Variants in ITPR2 observed in about 807,000 individuals in gnomAD.
ITPR2 encodes inositol 1,4,5-trisphosphate receptor type 2, also known as inositol 1,4,5-trisphosphate-gated calcium channel ITPR2.
Under a neutral mutation model 317.1 loss-of-function variants are expected in ITPR2, and 207 were observed. The observed-to-expected ratio is 0.65, with a 90% CI of 0.58 to 0.73. The LOEUF is 0.73. Among genes scored for constraint, ITPR2 ranks in the 30% least tolerant of loss-of-function variants. The pLI is 0.00. For missense variants in ITPR2, 2,613 were observed against 3,284.0 expected, an observed-to-expected ratio of 0.80 and a Z score of 4.99; for synonymous variants, 1,156 against 1,149.1, an observed-to-expected ratio of 1.01 and a Z score of -0.12.
In ITPR2 at chr12:26,519,649, G is replaced by A. The variant is rs1485162918; in HGVS notation, c.5074-24389C>T. Among the ~76,000 whole-genome samples the A allele has an allele frequency of 3.9e-5, 6 of 152,288 alleles. No homozygotes were observed. In the South Asian group the frequency reaches 1.2e-3, roughly 32 times the overall value. On this transcript the variant is annotated intron_variant, in intron 37 of 56. Transcript: ENST00000381340. Reference sequence around the variant, plus strand: ...CATTAATATTTAACATGTGCTGGATGCACAAGCCAAAACAATTGGCAGAGA... The same window carrying A: ...CATTAATATTTAACATGTGCTGGATACACAAGCCAAAACAATTGGCAGAGA...
At chr12:26,776,016 G>A (rs1029065182) in intron 2 of ITPR2, among the ~76,000 whole-genome samples, 1 of 149,592 alleles carries the variant, frequency 6.7e-6, no homozygotes, top group Non-Finnish European at 1.5e-5. Context: ...GGTACCAGGA[G>A]TGGTTCTAGA....
chr12:26,814,490 C>A (rs1565785555), intron 1 of ITPR2, among the ~76,000 whole-genome samples: 1 of 152,158 alleles, frequency 6.6e-6, no homozygotes, highest in Non-Finnish European at 1.5e-5. Context: ...TTCTTTATCA[C>A]ATCCAGGAGT....
intron 37 of ITPR2, among the ~76,000 whole-genome samples, chr12:26,496,309 A>G (rs1457251273): frequency 2.0e-5 from 3 of 152,164 alleles, no homozygotes; most frequent in Non-Finnish European, 2.9e-5. Context: ...CCATTTCTTC[A>G]TGTCCCGCTG....
At chr12:26,800,716 A>C (rs1189214064) in intron 1 of ITPR2, 1 of 152,264 alleles carries the variant, frequency 6.6e-6, no homozygotes, top group African/African-American at 2.4e-5. Context: ...TCTTAGAAGA[A>C]AGGTTTTAAT....
In ITPR2 at chr12:26,335,457, A is replaced by G. The variant is rs1463150059; in HGVS notation, c.*3940T>C. 6.6e-6 allele frequency among the ~76,000 whole-genome samples: 1 copy of G among 152,122 alleles called. No homozygotes were observed. The highest frequency in any genetic ancestry group is 1.5e-5 in the Non-Finnish European group (1 of 68,018). On this transcript the variant is annotated 3_prime_UTR_variant, in exon 57 of 57. Coordinates refer to ENST00000381340, the MANE Select transcript of ITPR2 (RefSeq NM_002223.4). Reference sequence around the variant, plus strand: ...ATATAACAATCCTCTACTGCAGGAGAGAAAGTCTTCTTGGTGATATGAGAA... The same window carrying G: ...ATATAACAATCCTCTACTGCAGGAGGGAAAGTCTTCTTGGTGATATGAGAA...
At chr12:26,781,783 G>T (rs373039824) in intron 2 of ITPR2, among the ~76,000 whole-genome samples, 2 of 151,770 alleles carry the variant, frequency 1.3e-5, no homozygotes, top group Non-Finnish European at 2.9e-5. Flanking sequence ...CCTTAATCTG[G>T]GTGGGCACCA....
intron 9 of ITPR2, among the ~76,000 whole-genome samples, chr12:26,705,478 C>T (rs1266908742): frequency 6.6e-6 from 1 of 152,118 alleles, no homozygotes; most frequent in African/African-American, 2.4e-5. Flanking sequence ...CCTCATGATT[C>T]TACCTTCAAA....
chr12:26,588,073 G>A (rs1006664933), intron 32 of ITPR2, among the ~76,000 whole-genome samples: 1 of 152,212 alleles, frequency 6.6e-6, no homozygotes, highest in Admixed American at 6.5e-5. Flanking sequence ...AGATGCTACA[G>A]TCTTGAAAAG....
At chr12:26,832,610 A>C in intron 1 of ITPR2, 80 bp downstream of exon 1, 1 of 1,089,572 alleles carries the variant, frequency 9.2e-7, no homozygotes, top group Non-Finnish European at 1.3e-6. Context: ...CAGCGGGAGG[A>C]CCGGGCGGCG....
intron 21 of ITPR2, 96 bp from the exon 22 acceptor site, chr12:26,632,155 A>G: frequency 1.1e-6 from 1 of 916,080 alleles, no homozygotes; most frequent in Non-Finnish European, 1.6e-6. Flanking sequence ...AAAAGCAGCC[A>G]GGAAAAGGAT....
intron 1 of ITPR2, among the ~76,000 whole-genome samples, chr12:26,806,020 T>C (rs1356382159): frequency 1.3e-5 from 2 of 151,970 alleles, no homozygotes; most frequent in East Asian, 1.9e-4. Context: ...GAGACAGAAG[T>C]GGGAAGACCA....
At chr12:26,526,774 G>C (rs1194132261) in intron 37 of ITPR2, among the ~76,000 whole-genome samples, 1 of 152,148 alleles carries the variant, frequency 6.6e-6, no homozygotes, top group South Asian at 2.1e-4. Flanking sequence ...AGGCAGCTGG[G>C]TGTATTCAAG....
chr12:26,742,761 C>T (rs186866084), intron 2 of ITPR2, among the ~76,000 whole-genome samples: 178 of 150,882 alleles, frequency 1.2e-3, no homozygotes, highest in East Asian at 1.7e-3. Context: ...TGCAGTGAGC[C>T]GAGATCATAC....
chr12:26,550,057 T>C (rs1263975048), intron 37 of ITPR2, among the ~76,000 whole-genome samples, 190 bp downstream of exon 37: 1 of 151,994 alleles, frequency 6.6e-6, no homozygotes, highest in Non-Finnish European at 1.5e-5. Context: ...CTAATTTTAG[T>C]TATTTCCCAG....
At chr12:26,718,229 T>C (rs1948774695) in intron 5 of ITPR2, among the ~76,000 whole-genome samples, 1 of 151,896 alleles carries the variant, frequency 6.6e-6, no homozygotes, top group Non-Finnish European at 1.5e-5. Context: ...CAGGCTCTGG[T>C]GTGTGTTGTT....
At chr12:26,776,284 C>T (rs936113129) in intron 2 of ITPR2, among the ~76,000 whole-genome samples, 1 of 152,022 alleles carries the variant, frequency 6.6e-6, no homozygotes, top group African/African-American at 2.4e-5. Flanking sequence ...AACCAAGGAA[C>T]CTAATGAAGT....
In ITPR2 at chr12:26,602,480, T is replaced by A; in HGVS notation, c.3568A>T (p.Ser1190Cys). The change falls in exon 28 of 57, where the codon AGT becomes TGT. Residue 1190 changes from serine (S) to cysteine (C), a missense_variant. By Grantham distance (112) the Ser-to-Cys change is moderately radical. Around this residue, in one of 9 missense-constraint regions of ITPR2, gnomAD observed 817 missense variants for 897.6 expected, o/e 0.91. Coordinates refer to ENST00000381340, the MANE Select transcript of ITPR2 (RefSeq NM_002223.4). ...TTTTTATTCTGCACACAGAGTTTAC[T>A]TAGCCTGATCAAAATCTTTAAAAGG... ...RIVKEILIRL[S>C]KLCVQNKKCR... is the part of the protein sequence containing the mutation. 1 of 1,611,022 alleles carries A rather than the reference T, an allele frequency of 6.2e-7. No individual in the cohort carries two copies. The highest frequency in any genetic ancestry group is 8.5e-7 in the Non-Finnish European group (1 of 1,178,526).
chr12:26,586,574 G>A (rs1386869882), intron 32 of ITPR2, among the ~76,000 whole-genome samples: 1 of 151,886 alleles, frequency 6.6e-6, no homozygotes, highest in African/African-American at 2.4e-5. Context: ...CATTTTTACT[G>A]GTTCAGGTTT....
At chr12:26,801,631 C>CCT (rs1165736121) in intron 1 of ITPR2, among the ~76,000 whole-genome samples, 3 of 152,110 alleles carry the variant, frequency 2.0e-5, no homozygotes, top group Non-Finnish European at 4.4e-5. Flanking sequence ...CAGGCCCTGA[C>CCT]CTCTCTCTCA....
Sources: allele counts gnomAD v4.1 joint callset (sites outside exome capture counted in the v4.1 genomes callset), GRCh38; gene constraint gnomAD v4.1.1; regional missense constraint gnomAD v4.1.1; transcripts MANE v1.5; gene names NCBI Gene and HGNC (gene_info 2026-07-23, HGNC 2026-07-21).